FAM135B: variants seen among roughly 807,000 people sequenced by gnomAD.
FAM135B encodes family with sequence similarity 135 member B, also known as protein FAM135B.
A neutral mutation model predicts 127.7 loss-of-function variants in FAM135B; 43 were observed. The observed-to-expected ratio is 0.34, with a 90% CI of 0.26 to 0.43. The LOEUF is 0.43. FAM135B is among the 20% of genes least tolerant of loss of function. The pLI is 1.00. For missense variants in FAM135B, 1,558 were observed against 1,725.6 expected, an observed-to-expected ratio of 0.90 and a Z score of 1.72; for synonymous variants, 670 against 665.1, an observed-to-expected ratio of 1.01 and a Z score of -0.11.
chr8:138,451,446 G>A (rs1057198617), intron 1 of FAM135B, among the ~76,000 whole-genome samples: 20 of 152,230 alleles, frequency 1.3e-4, no homozygotes, highest in Non-Finnish European at 2.6e-4. Flanking sequence ...AGAAGGTCTT[G>A]AAGGATGAAA....
chr8:138,486,263 T>C (rs1218387257), intron 1 of FAM135B, among the ~76,000 whole-genome samples: 1 of 152,056 alleles, frequency 6.6e-6, no homozygotes, highest in Non-Finnish European at 1.5e-5. Flanking sequence ...TTTGCAGTAT[T>C]TCATGACTCA....
chr8:138,308,986 C>A (rs1384643322), intron 3 of FAM135B: 1 of 454,740 alleles, frequency 2.2e-6, no homozygotes, highest in Non-Finnish European at 4.4e-6. Flanking sequence ...TAACTGGCTA[C>A]TTACCTTGTG....
rs768648284 is a variant in FAM135B at position 138,197,652 on chromosome 8, G to T, written c.687C>A (p.Thr229=). The T allele has an allele frequency of 5.0e-6, 8 of 1,613,958 alleles. No homozygotes were observed. In the Admixed American group the frequency reaches 1.0e-4, roughly 20 times the overall value. ...GTGCGTGCTGCATGCAGTTCTCAGA[G>T]GTGATGTAGAAGCTTCCCTAAGGGG... ...PTSSEGSFYI[T]SENCMQHAHK... is the part of the protein sequence containing the mutation. The change falls in exon 8 of 20, where the codon ACC becomes ACA. Residue 229 remains threonine, a synonymous_variant. Transcript: ENST00000395297.
intron 9 of FAM135B, among the ~76,000 whole-genome samples, chr8:138,185,078 C>A (rs1586715039): frequency 6.6e-6 from 1 of 152,106 alleles, no homozygotes; most frequent in Non-Finnish European, 1.5e-5. Flanking sequence ...GAAGTCCTAG[C>A]GCCAGGAATT....
At chr8:138,156,761 T>C (rs1453612398) in intron 12 of FAM135B, among the ~76,000 whole-genome samples, 1 of 152,106 alleles carries the variant, frequency 6.6e-6, no homozygotes, top group Non-Finnish European at 1.5e-5. Flanking sequence ...AAGCTGAATC[T>C]CTGAATAGAT....
chr8:138,242,871 A>G lies in FAM135B; in HGVS notation c.669+71T>C. 6.6e-7 allele frequency: 1 copy of G among 1,523,352 alleles called. No individual in the cohort carries two copies. Among genetic ancestry groups the G allele is most frequent in the African/African-American group, 1.4e-5 (1 of 71,536 alleles). 94.4% of individuals were successfully genotyped at this position (1,523,352 alleles called of 1,614,324 possible). ...AAGGGGATGTTTCAAAGAAGCATGA[A>G]TCTCATAGAACATACACTCTGCAAA... On this transcript the variant is annotated intron_variant, in intron 7 of 19. Coordinates refer to ENST00000395297, the MANE Select transcript of FAM135B (RefSeq NM_015912.4). The surrounding 1 kb of genome is among the most constrained non-coding windows in gnomAD (Gnocchi z 9.6).
chr8:138,287,619 C>T (rs867375036), intron 3 of FAM135B, among the ~76,000 whole-genome samples: 16 of 152,084 alleles, frequency 1.1e-4, no homozygotes, highest in South Asian at 8.3e-4. Context: ...CAGGCTAGGA[C>T]ATGTTTAACA....
intron 4 of FAM135B, among the ~76,000 whole-genome samples, chr8:138,259,250 C>G (rs1388834147): frequency 1.3e-5 from 2 of 152,138 alleles, no homozygotes; most frequent in Admixed American, 1.3e-4. Context: ...TGGTGACTCT[C>G]TTGTTTTCTC....
chr8:138,175,996 T>G lies in FAM135B; in HGVS notation c.1103+1351A>C, dbSNP rs78728346. On this transcript the variant is annotated intron_variant, in intron 11 of 19. Coordinates refer to ENST00000395297, the MANE Select transcript of FAM135B (RefSeq NM_015912.4). Reference sequence around the variant, plus strand: ...GGACATGCCCATTATGTCCTCACAATTGCTGTCTTACCCACTGTGTGGATA... The same window carrying G: ...GGACATGCCCATTATGTCCTCACAAGTGCTGTCTTACCCACTGTGTGGATA... 7.6e-3 allele frequency among the ~76,000 whole-genome samples: 1,160 copies of G among 152,298 alleles called. 18 individuals carry two copies. The highest frequency in any genetic ancestry group is 0.053 in the East Asian group (273 of 5,166).
intron 7 of FAM135B, among the ~76,000 whole-genome samples, chr8:138,226,182 T>TGCGCGCGC (rs199535766): frequency 6.8e-5 from 8 of 118,408 alleles, no homozygotes; most frequent in African/African-American, 2.5e-4. Flanking sequence ...TGTGTGTGTG[T>TGCGCGCGC]GTGCGCGCAT....
At chr8:138,213,459 G>A (rs1489734849) in intron 7 of FAM135B, among the ~76,000 whole-genome samples, 1 of 151,866 alleles carries the variant, frequency 6.6e-6, no homozygotes, top group Non-Finnish European at 1.5e-5. Flanking sequence ...TGGAGGAATG[G>A]GAGAGGATGG....
intron 11 of FAM135B, among the ~76,000 whole-genome samples, chr8:138,176,640 C>T (rs1377203239): frequency 6.6e-6 from 1 of 152,178 alleles, no homozygotes; most frequent in Non-Finnish European, 1.5e-5. Context: ...TCTCCACGTC[C>T]ATCTTGAGTG....
intron 4 of FAM135B, 95 bp from the exon 5 acceptor site, chr8:138,256,854 T>C: frequency 2.2e-6 from 2 of 907,744 alleles, no homozygotes; most frequent in Non-Finnish European, 3.6e-6. Context: ...AGAAACACTA[T>C]CTTGTCCAAA....
intron 1 of FAM135B, among the ~76,000 whole-genome samples, chr8:138,447,984 T>G (rs977985242): frequency 1.3e-5 from 2 of 151,430 alleles, no homozygotes; most frequent in African/African-American, 4.9e-5. Flanking sequence ...AAGTAGAAGA[T>G]CATTGTTTAC....
At chr8:138,385,949 C>T (rs1034078819) in intron 1 of FAM135B, among the ~76,000 whole-genome samples, 3 of 151,094 alleles carry the variant, frequency 2.0e-5, no homozygotes, top group South Asian at 2.1e-4. Context: ...CAGCCAGGCA[C>T]GTGGCTCATG....
At chr8:138,382,420 G>C (rs1432070756) in intron 1 of FAM135B, among the ~76,000 whole-genome samples, 1 of 152,100 alleles carries the variant, frequency 6.6e-6, no homozygotes, top group Non-Finnish European at 1.5e-5. Context: ...TCTCTTGAGG[G>C]TTCAGTGGTC....
chr8:138,377,495 T>C (rs1304200723), intron 1 of FAM135B, among the ~76,000 whole-genome samples: 2 of 152,280 alleles, frequency 1.3e-5, no homozygotes, highest in Non-Finnish European at 2.9e-5. Context: ...GTAGAAGGAC[T>C]GAAGGCACAA....
chr8:138,437,485 G>C (rs1276282830), intron 1 of FAM135B: 1 of 152,184 alleles, frequency 6.6e-6, no homozygotes, highest in East Asian at 1.9e-4. Context: ...GCCTTGTGAA[G>C]AAGGTGCCTT....
At chr8:138,194,191 A>T (rs1021387260) in intron 9 of FAM135B, among the ~76,000 whole-genome samples, 1 of 152,020 alleles carries the variant, frequency 6.6e-6, no homozygotes, top group African/African-American at 2.4e-5. Context: ...AGTGCTTGGC[A>T]TGTGTTTCCC....
Sources: gnomAD v4.1 joint callset for allele counts (sites outside exome capture counted in the v4.1 genomes callset) on GRCh38, gnomAD v4.1.1 for gene constraint, Gnocchi (gnomAD v3.1) non-coding constraint, MANE v1.5 for transcripts, NCBI Gene and HGNC (gene_info 2026-07-23, HGNC 2026-07-21) for gene names.